Variants in ANKIB1 observed in about 807,000 individuals in gnomAD.
ANKIB1 encodes ankyrin repeat and IBR domain-containing protein 1.
Under a neutral mutation model 122.1 loss-of-function variants are expected in ANKIB1, and 43 were observed. The ratio of observed to expected loss-of-function variants is 0.35; its 90% CI spans 0.28 to 0.45. The LOEUF is 0.45. ANKIB1 is among the 20% of genes least tolerant of loss of function. The pLI, the probability that ANKIB1 is intolerant of heterozygous loss-of-function variation, is 1.00. For missense variants in ANKIB1, 992 were observed against 1,329.5 expected, an observed-to-expected ratio of 0.75 and a Z score of 3.95; for synonymous variants, 390 against 442.0, an observed-to-expected ratio of 0.88 and a Z score of 1.48.
intron 7 of ANKIB1, chr7:92,348,013 A>G: frequency 2.2e-6 from 1 of 450,168 alleles, no homozygotes; most frequent in Non-Finnish European, 4.5e-6. Flanking sequence ...AGATAAAAAT[A>G]TAGGTAAGGT....
intron 1 of ANKIB1, among the ~76,000 whole-genome samples, chr7:92,264,011 A>C (rs1164746374): frequency 6.6e-6 from 1 of 152,202 alleles, no homozygotes; most frequent in Non-Finnish European, 1.5e-5. Context: ...TAAGACAGTG[A>C]ACGTGTAAAA....
intron 1 of ANKIB1, among the ~76,000 whole-genome samples, chr7:92,252,100 C>G (rs555599317): frequency 6.6e-6 from 1 of 152,158 alleles, no homozygotes; most frequent in African/African-American, 2.4e-5. Flanking sequence ...CTGCTGTGTG[C>G]CCTTCTTAGT....
chr7:92,318,175 A>G (rs1802831949), intron 3 of ANKIB1, among the ~76,000 whole-genome samples: 1 of 152,186 alleles, frequency 6.6e-6, no homozygotes, highest in African/African-American at 2.4e-5. Flanking sequence ...AGAAAACAAT[A>G]AATAGTGACT....
At chr7:92,337,720 G>A (rs1001784133) in intron 5 of ANKIB1, among the ~76,000 whole-genome samples, 14 of 152,122 alleles carry the variant, frequency 9.2e-5, no homozygotes, top group Admixed American at 9.2e-4. Flanking sequence ...GAATTGCCAT[G>A]CACCTGGCTT....
chr7:92,265,616 C>T (rs1488841802), intron 1 of ANKIB1, among the ~76,000 whole-genome samples: 6 of 152,124 alleles, frequency 3.9e-5, no homozygotes, highest in Non-Finnish European at 1.5e-5. Context: ...TAGAAATAGA[C>T]GAATGAAGCT....
chr7:92,352,774 A>G (rs1408727622), intron 9 of ANKIB1, 132 bp downstream of exon 9: 18 of 938,214 alleles, frequency 1.9e-5, no homozygotes, highest in Non-Finnish European at 2.4e-5. Context: ...AGAAATGTGT[A>G]AGAAGTAGTA....
intron 1 of ANKIB1, among the ~76,000 whole-genome samples, chr7:92,291,546 A>G (rs1802248812): frequency 6.6e-6 from 1 of 151,644 alleles, no homozygotes; most frequent in Non-Finnish European, 1.5e-5. Flanking sequence ...GAGTCCATCA[A>G]CAGGCTACAT....
chr7:92,279,590 A>G (rs985078066), intron 1 of ANKIB1, among the ~76,000 whole-genome samples: 4 of 152,180 alleles, frequency 2.6e-5, no homozygotes, highest in Non-Finnish European at 5.9e-5. Flanking sequence ...TCACAGTTCT[A>G]TTCATTGAGC....
At chr7:92,272,442 TA>T (rs1801816758) in intron 1 of ANKIB1, among the ~76,000 whole-genome samples, 2 of 152,198 alleles carry the variant, frequency 1.3e-5, no homozygotes, top group African/African-American at 4.8e-5. Context: ...AAATTACCTT[TA>T]ATTGTTTTCT....
intron 3 of ANKIB1, among the ~76,000 whole-genome samples, chr7:92,313,690 T>A (rs968803144): frequency 1.3e-5 from 2 of 152,174 alleles, no homozygotes; most frequent in African/African-American, 4.8e-5. Flanking sequence ...ATTCAAAATG[T>A]GGCTCTCAGA....
intron 9 of ANKIB1, among the ~76,000 whole-genome samples, chr7:92,360,241 C>T (rs533150820): frequency 1.3e-5 from 2 of 152,186 alleles, no homozygotes; most frequent in Admixed American, 1.3e-4. Flanking sequence ...TCTCCTCCCC[C>T]AAGCTGGTAA....
intron 11 of ANKIB1, among the ~76,000 whole-genome samples, chr7:92,375,894 G>A (rs1178260850): frequency 6.6e-6 from 1 of 152,236 alleles, no homozygotes; most frequent in Admixed American, 6.5e-5. Flanking sequence ...TCCATAGGCT[G>A]CAGAACGGAT....
At chr7:92,334,619 GCT>G (rs1803247420) in intron 5 of ANKIB1, among the ~76,000 whole-genome samples, 2 of 151,808 alleles carry the variant, frequency 1.3e-5, no homozygotes, top group South Asian at 4.2e-4. Flanking sequence ...ACTAAAAATG[GCT>G]CTCATGATTT....
intron 1 of ANKIB1, among the ~76,000 whole-genome samples, chr7:92,260,777 G>A (rs1006325034): frequency 6.6e-6 from 1 of 151,856 alleles, no homozygotes; most frequent in Admixed American, 6.6e-5. Flanking sequence ...CTTTATTTGA[G>A]AAAGAAACAA....
intron 1 of ANKIB1, among the ~76,000 whole-genome samples, chr7:92,256,814 T>C (rs1234414362): frequency 6.6e-6 from 1 of 152,246 alleles, no homozygotes; most frequent in Non-Finnish European, 1.5e-5. Context: ...AAGTATCATA[T>C]GATCTCCACT....
Position 92,251,163 on chromosome 7 carries a change from A to T in ANKIB1, c.-91+4644A>T, listed in dbSNP as rs529519819. On this transcript the variant is annotated intron_variant, in intron 1 of 19. Coordinates refer to ENST00000265742, the MANE Select transcript of ANKIB1 (RefSeq NM_019004.2). Reference sequence around the variant, plus strand: ...ATATTGGAGGTAGAATTCCTGTTCAAGGACATTAACAATGACTAAATTATA... The same window carrying T: ...ATATTGGAGGTAGAATTCCTGTTCATGGACATTAACAATGACTAAATTATA... Among the ~76,000 whole-genome samples, 6 of 152,338 alleles carry T rather than the reference A, an allele frequency of 3.9e-5. No individual in the cohort carries two copies. The South Asian group carries it at 1.2e-3, about 32-fold the overall frequency.
chr7:92,353,634 GTC>G (rs1281031527), intron 9 of ANKIB1, among the ~76,000 whole-genome samples: 3 of 152,140 alleles, frequency 2.0e-5, no homozygotes, highest in Non-Finnish European at 4.4e-5. Context: ...CCCTACCCTG[GTC>G]TACTTCTTAC....
chr7:92,356,093 T>G (rs1372621208), intron 9 of ANKIB1, among the ~76,000 whole-genome samples: 1 of 152,094 alleles, frequency 6.6e-6, no homozygotes, highest in Non-Finnish European at 1.5e-5. Context: ...TGGAGAAAAG[T>G]CTGAAAGTGA....
At chr7:92,358,856 CT>C (rs1289349169) in intron 9 of ANKIB1, among the ~76,000 whole-genome samples, 1 of 151,984 alleles carries the variant, frequency 6.6e-6, no homozygotes, top group African/African-American at 2.4e-5. Flanking sequence ...GACAAACAAG[CT>C]TTTTTAAAAA....
Sources: allele counts gnomAD v4.1 joint callset (sites outside exome capture counted in the v4.1 genomes callset), GRCh38; gene constraint gnomAD v4.1.1; transcripts MANE v1.5; gene names NCBI Gene and HGNC (gene_info 2026-07-23, HGNC 2026-07-21).